The following STX11 variants were observed in gnomAD, a reference collection of about 807,000 sequenced individuals.
STX11 encodes syntaxin 11.
A neutral mutation model predicts 19.9 loss-of-function variants in STX11; 21 were observed. The observed-to-expected ratio is 1.06, with a 90% CI of 0.75 to 1.52. The LOEUF (loss-of-function observed/expected upper bound fraction) is 1.52, where lower values mean the gene tolerates loss of function less well. Ranked by LOEUF, STX11 falls within the 40% of genes most tolerant of loss-of-function variation. STX11 has a pLI of 0.00. For synonymous variants in STX11, 193 were observed against 174.4 expected, an observed-to-expected ratio of 1.11 and a Z score of -0.84; for missense variants, 438 against 405.9, an observed-to-expected ratio of 1.08 and a Z score of -0.68.
Position 144,174,221 on chromosome 6 carries a change from A to C in STX11, c.-5-12402A>C, listed in dbSNP as rs1262821767. Among the ~76,000 whole-genome samples the C allele has an allele frequency of 6.6e-6, 1 of 152,164 alleles. No homozygotes were observed. The highest frequency in any genetic ancestry group is 2.4e-5 in the African/African-American group (1 of 41,434). On this transcript the variant is annotated intron_variant, in intron 1 of 1. Transcript: ENST00000367568. This position sits in a 1 kb window ranked among gnomAD's most constrained non-coding sequence, Gnocchi z 5.3. Reference sequence around the variant, plus strand: ...AAGCCCTTTTGCACAAATGCTTTTCAAACCTCTGCTTGCATCATATTTGCT... The same window carrying C: ...AAGCCCTTTTGCACAAATGCTTTTCCAACCTCTGCTTGCATCATATTTGCT...
At chr6:144,163,113 C>G (rs1432947171) in intron 1 of STX11, among the ~76,000 whole-genome samples, 4 of 152,152 alleles carry the variant, frequency 2.6e-5, no homozygotes, top group African/African-American at 9.7e-5. Flanking sequence ...GAATTTCTCC[C>G]ACGATCTTCA....
At position 144,191,638 on chromosome 6, in the gene STX11, G is replaced by A. The variant is rs987397665; in HGVS notation, c.*4147G>A. On this transcript the variant is annotated 3_prime_UTR_variant, in exon 2 of 2. Coordinates refer to ENST00000367568, the MANE Select transcript of STX11 (RefSeq NM_003764.4). ...TTCTACTCCTTTCTTTGAAGTATGC[G>A]AAGTATCTCCAACTGCAGCATGCAA... Among the ~76,000 whole-genome samples the A allele has an allele frequency of 2.6e-5, 4 of 151,830 alleles. No individual in the cohort carries two copies. The highest frequency in any genetic ancestry group is 6.6e-5 in the Admixed American group (1 of 15,256).
In STX11 at chr6:144,190,425, T is replaced by G. The variant is rs188709931; in HGVS notation, c.*2934T>G. ...GCTTTGTTCATTATTGTTGTTATTA[T>G]GTAATTTTCTCTCAGACTGAGAGCA... On this transcript the variant is annotated 3_prime_UTR_variant, in exon 2 of 2. Transcript: ENST00000367568. 6.6e-6 allele frequency among the ~76,000 whole-genome samples: 1 copy of G among 152,260 alleles called. No homozygotes were observed. The highest frequency in any genetic ancestry group is 1.5e-5 in the Non-Finnish European group (1 of 68,044).
rs572805531 is a variant in STX11 at position 144,159,916 on chromosome 6, C to T, written c.-6+9213C>T. 3.6e-4 allele frequency among the ~76,000 whole-genome samples: 55 copies of T among 152,264 alleles called. No individual in the cohort carries two copies. The highest frequency in any genetic ancestry group is 1.0e-3 in the African/African-American group (42 of 41,536). On this transcript the variant is annotated intron_variant, in intron 1 of 1. Transcript: ENST00000367568. The surrounding 1 kb of genome is among the most constrained non-coding windows in gnomAD (Gnocchi z 4.3). Reference sequence around the variant, plus strand: ...ACTTTTGATGCCCTGGGTGAAGAGGCCACAACCCCAGTGTTGCAATTTGCA... The same window carrying T: ...ACTTTTGATGCCCTGGGTGAAGAGGTCACAACCCCAGTGTTGCAATTTGCA...
At chr6:144,181,942 A>C (rs1392840611) in intron 1 of STX11, among the ~76,000 whole-genome samples, 3 of 152,228 alleles carry the variant, frequency 2.0e-5, no homozygotes, top group African/African-American at 4.8e-5. Flanking sequence ...AAGCAGAAGC[A>C]GATTTTTGGT....
rs1256092256 is a variant in STX11 at position 144,155,996 on chromosome 6, T to TTCTC, written c.-6+5296_-6+5297insCTCT. 8.0e-6 allele frequency among the ~76,000 whole-genome samples: 1 copy of TTCTC among 124,466 alleles called. No homozygotes were observed. Among genetic ancestry groups the TTCTC allele is most frequent in the African/African-American group, 4.2e-5 (1 of 23,878 alleles). The allele number at this position is 124,466 out of a possible 152,430, so 81.7% of individuals were successfully genotyped here. On this transcript the variant is annotated intron_variant, in intron 1 of 1. Transcript: ENST00000367568. This position sits in a 1 kb window ranked among gnomAD's most constrained non-coding sequence, Gnocchi z 4.5. ...TTTCTTTCTTTCTTTCTTTCTTTCT[T>TTCTC]TCTTTCTTTCTTTCTTTCTCTCTTT...
At chr6:144,143,155 T>A in the STX11 span, among the ~76,000 whole-genome samples, 2 of 152,204 alleles carry the variant, frequency 1.3e-5, no homozygotes, top group African/African-American at 4.8e-5. Flanking sequence ...GGGAATATAT[T>A]TCTAGTCTGC....
At chr6:144,141,751 T>A in the STX11 span, among the ~76,000 whole-genome samples, 1 of 152,070 alleles carries the variant, frequency 6.6e-6, no homozygotes, top group African/African-American at 2.4e-5. Flanking sequence ...CAATAATGGC[T>A]CACTGCAGCC....
At chr6:144,147,581 T>C (rs1008224135), upstream of STX11, among the ~76,000 whole-genome samples, 17 of 152,086 alleles carry the variant, frequency 1.1e-4, no homozygotes, top group Non-Finnish European at 1.5e-5. The surrounding 1 kb of genome is among the most constrained non-coding windows in gnomAD (Gnocchi z 4.2). Context: ...GCTAAAGAAC[T>C]CCAAATATAT....
chr6:144,181,173 C>A (rs1477348767), intron 1 of STX11, among the ~76,000 whole-genome samples: 1 of 152,186 alleles, frequency 6.6e-6, no homozygotes, highest in African/African-American at 2.4e-5. Flanking sequence ...AAGCCACCAT[C>A]TTTCCAGTGG....
At chr6:144,141,383 T>C in the STX11 span, among the ~76,000 whole-genome samples, 1 of 152,196 alleles carries the variant, frequency 6.6e-6, no homozygotes, top group Non-Finnish European at 1.5e-5. Flanking sequence ...ATAGTGTCAA[T>C]TCAGGAATTA....
chr6:144,164,530 T>A (rs1378189425), intron 1 of STX11, among the ~76,000 whole-genome samples: 1 of 152,180 alleles, frequency 6.6e-6, no homozygotes, highest in Non-Finnish European at 1.5e-5. Flanking sequence ...TATCTACTGA[T>A]TCCCATGATA....
chr6:144,172,346 C>G lies in STX11; in HGVS notation c.-5-14277C>G, dbSNP rs897278399. Among the ~76,000 whole-genome samples the G allele has an allele frequency of 6.6e-6, 1 of 152,124 alleles. No individual in the cohort carries two copies. Among genetic ancestry groups the G allele is most frequent in the Non-Finnish European group, 1.5e-5 (1 of 68,038 alleles). On this transcript the variant is annotated intron_variant, in intron 1 of 1. Transcript: ENST00000367568. This position sits in a 1 kb window ranked among gnomAD's most constrained non-coding sequence, Gnocchi z 4.2. ...TCAGCTGGGGGCTGGCCTAGCTCTC[C>G]GTGCGGTCTTCACCCTCCAGGAGGC...
chr6:144,160,642 T>C lies in STX11; in HGVS notation c.-6+9939T>C, dbSNP rs1801311462. Among the ~76,000 whole-genome samples, 1 of 152,140 alleles carries C rather than the reference T, an allele frequency of 6.6e-6. No homozygotes were observed. Among genetic ancestry groups the C allele is most frequent in the Non-Finnish European group, 1.5e-5 (1 of 68,034 alleles). On this transcript the variant is annotated intron_variant, in intron 1 of 1. Coordinates refer to ENST00000367568, the MANE Select transcript of STX11 (RefSeq NM_003764.4). The surrounding 1 kb of genome is among the most constrained non-coding windows in gnomAD (Gnocchi z 4.3). ...CTAAGAATACCAAACATTTGGCTGATTGCAGGGAGGGAGGGATTAATTCAC... is the reference window on the plus strand; with the variant it reads ...CTAAGAATACCAAACATTTGGCTGACTGCAGGGAGGGAGGGATTAATTCAC...
chr6:144,171,719 CT>C (rs11357442), intron 1 of STX11, among the ~76,000 whole-genome samples: 84,114 of 150,560 alleles, frequency 0.56, 26,503 homozygotes, highest in African/African-American at 0.87. Flanking sequence ...TTTTTAGCAT[CT>C]TTTTTTTTTC....
In STX11 at chr6:144,151,872, C is replaced by A. The variant is rs1801015613; in HGVS notation, c.-6+1169C>A. On this transcript the variant is annotated intron_variant, in intron 1 of 1. Coordinates refer to ENST00000367568, the MANE Select transcript of STX11 (RefSeq NM_003764.4). This position sits in a 1 kb window ranked among gnomAD's most constrained non-coding sequence, Gnocchi z 4.6. ...AGAGAAATTTAAAAGTTGAAGCTGACAAGTCCTATTGCGGTGGGTAACAGC... is the reference window on the plus strand; with the variant it reads ...AGAGAAATTTAAAAGTTGAAGCTGAAAAGTCCTATTGCGGTGGGTAACAGC... Among the ~76,000 whole-genome samples the A allele has an allele frequency of 6.6e-6, 1 of 152,146 alleles. No homozygotes were observed. Among genetic ancestry groups the A allele is most frequent in the Non-Finnish European group, 1.5e-5 (1 of 68,028 alleles).
upstream of STX11, among the ~76,000 whole-genome samples, chr6:144,149,716 T>A (rs529798035): frequency 3.3e-5 from 5 of 152,118 alleles, no homozygotes; most frequent in African/African-American, 1.2e-4. The surrounding 1 kb of genome is among the most constrained non-coding windows in gnomAD (Gnocchi z 5.1). Flanking sequence ...GCTCAAGAGA[T>A]CCTCCCCCTT....
rs545412852 is a variant in STX11, at chr6:144,165,396, G to A, written c.-6+14693G>A. Among the ~76,000 whole-genome samples the A allele has an allele frequency of 4.6e-5, 7 of 152,016 alleles. No individual in the cohort carries two copies. The highest frequency in any genetic ancestry group is 3.9e-4 in the East Asian group (2 of 5,166). On this transcript the variant is annotated intron_variant, in intron 1 of 1. Transcript: ENST00000367568. The surrounding 1 kb of genome is among the most constrained non-coding windows in gnomAD (Gnocchi z 5.8). ...CTTGAACCCGGGAGGCGGAGGTTGC[G>A]GTGAGCAGAGATCGCGCCATTGCAC...
intron 1 of STX11, among the ~76,000 whole-genome samples, chr6:144,163,798 A>G (rs544706648): frequency 1.3e-5 from 2 of 152,122 alleles, no homozygotes; most frequent in Admixed American, 6.5e-5. Flanking sequence ...AAATTTAAAA[A>G]TTAGCTGGGT....
Sources: gnomAD v4.1 joint callset for allele counts (sites outside exome capture counted in the v4.1 genomes callset) on GRCh38, gnomAD v4.1.1 for gene constraint, Gnocchi (gnomAD v3.1) non-coding constraint, MANE v1.5 for transcripts, NCBI Gene and HGNC (gene_info 2026-07-23, HGNC 2026-07-21) for gene names.